The following NCKAP5L variants were observed in gnomAD, a reference collection of about 807,000 sequenced individuals.
NCKAP5L encodes the protein nck-associated protein 5-like.
NCKAP5L carries 54 observed loss-of-function variants against 103.2 expected under a neutral mutation model. The ratio of observed to expected loss-of-function variants is 0.52; its 90% CI spans 0.42 to 0.66. NCKAP5L has a LOEUF of 0.66. Ranked by LOEUF, NCKAP5L falls within the 30% of genes least tolerant of loss-of-function variation. The pLI is 0.00. For synonymous variants in NCKAP5L, 762 were observed against 748.6 expected, an observed-to-expected ratio of 1.02 and a Z score of -0.29; for missense variants, 1,733 against 1,750.6, an observed-to-expected ratio of 0.99 and a Z score of 0.18.
At chr12:49,808,812 C>G (rs539494139) in intron 1 of NCKAP5L, among the ~76,000 whole-genome samples, 75 of 152,336 alleles carry the variant, frequency 4.9e-4, no homozygotes, top group South Asian at 2.1e-4. Flanking sequence ...TGGAATGGCT[C>G]TGGTTTCAGA....
At chr12:49,806,403 T>C (rs924950199) in intron 1 of NCKAP5L, among the ~76,000 whole-genome samples, 4 of 152,260 alleles carry the variant, frequency 2.6e-5, no homozygotes, top group African/African-American at 9.6e-5. Flanking sequence ...TCTTGCCTCG[T>C]GCTCAACAGT....
At position 49,795,687 on chromosome 12, in the gene NCKAP5L, T is replaced by G; in HGVS notation, c.2173A>C (p.Ile725Leu). The G allele has an allele frequency of 6.2e-7, 1 of 1,611,942 alleles. No homozygotes were observed. Among genetic ancestry groups the G allele is most frequent in the Non-Finnish European group, 8.5e-7 (1 of 1,179,138 alleles). The change falls in exon 8 of 13, where the codon ATA (isoleucine) becomes CTA (leucine). Residue 725 changes from isoleucine (I) to leucine (L), a missense_variant. By Grantham distance (5) the Ile-to-Leu change is conservative. Coordinates refer to ENST00000335999, the MANE Select transcript of NCKAP5L (RefSeq NM_001037806.4). ...GTGCCCAAGGCCACTGCCCCCCGTA[T>G]CCCCCCCTTGGCTTCTAGCTGCTCC... is the stretch of plus-strand genomic sequence containing the variant. Reference protein sequence around the residue: ...PLEQLEAKGGIRGAVALGTNS... With the variant: ...PLEQLEAKGGLRGAVALGTNS...
rs983021647 is a variant in NCKAP5L, at chr12:49,791,458, G to C, written c.*381C>G. On this transcript the variant is annotated 3_prime_UTR_variant, in exon 13 of 13. Coordinates refer to ENST00000335999, the MANE Select transcript of NCKAP5L (RefSeq NM_001037806.4). Reference sequence around the variant, plus strand: ...CCAGGAGGGCCTCGCGAGGGCTTCGGGGCAGAGGAGCAGCCGGGTTGGGCA... The same window carrying C: ...CCAGGAGGGCCTCGCGAGGGCTTCGCGGCAGAGGAGCAGCCGGGTTGGGCA... 25 of 173,296 alleles carry C rather than the reference G, an allele frequency of 1.4e-4. No individual in the cohort carries two copies. Among genetic ancestry groups the C allele is most frequent in the Non-Finnish European group, 2.4e-4 (20 of 82,602 alleles). The allele number at this position is 173,296 out of a possible 1,614,324, so 10.7% of individuals were successfully genotyped here.
chr12:49,821,377 A>G (rs1486450978), intron 1 of NCKAP5L, among the ~76,000 whole-genome samples: 1 of 152,232 alleles, frequency 6.6e-6, no homozygotes, highest in African/African-American at 2.4e-5. Context: ...AGAAATGATC[A>G]GCACCATCTG....
chr12:49,808,329 C>T (rs553634032), intron 1 of NCKAP5L, among the ~76,000 whole-genome samples: 2 of 152,336 alleles, frequency 1.3e-5, no homozygotes, highest in South Asian at 4.1e-4. Flanking sequence ...AGGAGAAATA[C>T]TTTCTGGCCT....
Position 49,795,581 on chromosome 12 carries a change from C to G in NCKAP5L, c.2279G>C (p.Arg760Pro), listed in dbSNP as rs768154812. Residue 760 changes from arginine to proline, a missense_variant, in exon 8 of 13, where the codon CGG becomes CCG. Physicochemically the swap from Arg to Pro is moderately radical, Grantham distance 103. Coordinates refer to ENST00000335999, the MANE Select transcript of NCKAP5L (RefSeq NM_001037806.4). ...RVYSSHSMGARVDLEPVSPRS... is the reference protein window; with the variant it reads ...RVYSSHSMGAPVDLEPVSPRS... ...TGGTGAGACAGGCTCCAGGTCCACC[C>G]GGGCCCCCATGGAGTGAGAGGAGTA... 4 of 1,556,440 alleles carry G rather than the reference C, an allele frequency of 2.6e-6. No homozygotes were observed. The East Asian group carries it at 6.7e-5, about 26-fold the overall frequency.
In NCKAP5L at chr12:49,797,422, G is replaced by C; in HGVS notation, c.466-28C>G. 6.6e-7 allele frequency: 1 copy of C among 1,516,650 alleles called. No homozygotes were observed. The highest frequency in any genetic ancestry group is 9.0e-7 in the Non-Finnish European group (1 of 1,113,976). 93.9% of individuals were successfully genotyped at this position (1,516,650 alleles called of 1,614,324 possible). ...TAGGGGAGAGATGATGGCATGAGGA[G>C]GAGACCACACACAGCTGGGATCCAG... is the stretch of plus-strand genomic sequence containing the variant. On this transcript the variant is annotated intron_variant, in intron 7 of 12. Transcript: ENST00000335999. This position sits in a 1 kb window ranked among gnomAD's most constrained non-coding sequence, Gnocchi z 4.5.
chr12:49,792,012 G>C lies in NCKAP5L; in HGVS notation c.3832C>G (p.Arg1278Gly), dbSNP rs534363616. Residue 1278 changes from arginine to glycine, a missense_variant, in exon 13 of 13, where the codon CGC becomes GGC. Coordinates refer to ENST00000335999, the MANE Select transcript of NCKAP5L (RefSeq NM_001037806.4). The surrounding 1 kb of genome is among the most constrained non-coding windows in gnomAD (Gnocchi z 4.5). ...GGGCCCTGGGGCGTAGGGGACGGGCGGCTGGGCTCCTGGCTTCGCTTCCGG... is the reference window on the plus strand; with the variant it reads ...GGGCCCTGGGGCGTAGGGGACGGGCCGCTGGGCTCCTGGCTTCGCTTCCGG... The part of the protein sequence containing the change: ...VDRKRSQEPS[R>G]PSPTPQGPPF... The C allele has an allele frequency of 2.4e-5, 37 of 1,573,688 alleles. No individual in the cohort carries two copies. The African/African-American group carries it at 3.9e-4, about 17-fold the overall frequency.
At chr12:49,821,897 A>G (rs1207952832) in intron 1 of NCKAP5L, among the ~76,000 whole-genome samples, 3 of 152,298 alleles carry the variant, frequency 2.0e-5, no homozygotes, top group African/African-American at 2.4e-5. Context: ...AACACTGCTC[A>G]TGACTTGGGG....
intron 5 of NCKAP5L, chr12:49,802,731 G>A (rs1425886948): frequency 1.7e-6 from 1 of 577,334 alleles, no homozygotes; most frequent in African/African-American, 1.9e-5. Context: ...GCCAGCTGGG[G>A]ACAGGGTAAG....
intron 5 of NCKAP5L, 151 bp from the exon 6 acceptor site, chr12:49,802,118 T>G: frequency 1.2e-6 from 1 of 847,200 alleles, no homozygotes; most frequent in Non-Finnish European, 1.8e-6. Flanking sequence ...ATGAGGAATC[T>G]AAGCCTGCCG....
intron 1 of NCKAP5L, among the ~76,000 whole-genome samples, chr12:49,814,802 C>G (rs981656660): frequency 2.0e-5 from 3 of 152,190 alleles, no homozygotes; most frequent in Admixed American, 1.3e-4. Flanking sequence ...TTCCAAGATC[C>G]AATCCAGGAT....
intron 1 of NCKAP5L, among the ~76,000 whole-genome samples, chr12:49,809,577 A>C (rs1394806987): frequency 1.3e-5 from 2 of 152,106 alleles, no homozygotes; most frequent in African/African-American, 2.4e-5. Context: ...CACCCTCCCC[A>C]GCTGCTTTCT....
In NCKAP5L at chr12:49,801,937, T is replaced by C. The variant is rs1946124452; in HGVS notation, c.262A>G (p.Lys88Glu). 6.2e-7 allele frequency: 1 copy of C among 1,613,758 alleles called. No homozygotes were observed. Among genetic ancestry groups the C allele is most frequent in the African/African-American group, 1.3e-5 (1 of 74,894 alleles). The stretch of plus-strand genomic sequence containing the variant: ...TGCCGTTCCAGGTCAAACACTCTCT[T>C]CTTCAGCTTGATGCACTCCTCTCGC... The part of the protein sequence containing the change: ...DLREECIKLK[K>E]RVFDLERQNQ... Residue 88 changes from lysine (K) to glutamate (E), a missense_variant, in exon 6 of 13, where the codon AAG (lysine) becomes GAG (glutamate). Lys to Glu is a moderately conservative substitution (Grantham distance 56, BLOSUM62 1). Coordinates refer to ENST00000335999, the MANE Select transcript of NCKAP5L (RefSeq NM_001037806.4).
intron 9 of NCKAP5L, 55 bp downstream of exon 9, chr12:49,793,679 C>A: frequency 6.7e-7 from 1 of 1,494,756 alleles, no homozygotes; most frequent in Non-Finnish European, 8.9e-7. Context: ...GGGTAAGAGA[C>A]CTGGCAGGGC....
At position 49,795,805 on chromosome 12, in the gene NCKAP5L, C is replaced by T; in HGVS notation, c.2055G>A (p.Gly685=). ...TTTCGGTGCCAGGCCTGGCTGGCACCCCATTCTTCTCTGAGCCCAGGGCCC... is the reference window on the plus strand; with the variant it reads ...TTTCGGTGCCAGGCCTGGCTGGCACTCCATTCTTCTCTGAGCCCAGGGCCC... ...PEGALGSEKN[G]VPARPGTEKT... is the part of the protein sequence containing the mutation. The change falls in exon 8 of 13, where the codon GGG becomes GGA. Residue 685 remains glycine, a synonymous_variant. Transcript: ENST00000335999. The T allele has an allele frequency of 6.4e-7, 1 of 1,573,174 alleles. No homozygotes were observed. Among genetic ancestry groups the T allele is most frequent in the Non-Finnish European group, 8.6e-7 (1 of 1,159,604 alleles).
chr12:49,827,255 TAAG>T (rs1946427954), intron 1 of NCKAP5L, among the ~76,000 whole-genome samples: 2 of 151,932 alleles, frequency 1.3e-5, no homozygotes, highest in South Asian at 2.1e-4. Context: ...CCATTGTGCT[TAAG>T]AAGGAGGACC....
rs1392058991 is a variant in NCKAP5L at position 49,796,404 on chromosome 12, T to C, written c.1456A>G (p.Ile486Val). The part of the protein sequence containing the change: ...LSPQLPRNSR[I>V]PCRNSGSDGS... ...TCTGAGCCACTGTTCCGACAGGGGATTCGCGAGTTCCGGGGGAGCTGGGGA... is the reference window on the plus strand; with the variant it reads ...TCTGAGCCACTGTTCCGACAGGGGACTCGCGAGTTCCGGGGGAGCTGGGGA... The change falls in exon 8 of 13, where the codon ATC becomes GTC. Residue 486 changes from isoleucine (I) to valine (V), a missense_variant. By Grantham distance (29) the Ile-to-Val change is conservative. Coordinates refer to ENST00000335999, the MANE Select transcript of NCKAP5L (RefSeq NM_001037806.4). 1 of 1,574,940 alleles carries C rather than the reference T, an allele frequency of 6.3e-7. No homozygotes were observed. Among genetic ancestry groups the C allele is most frequent in the Non-Finnish European group, 8.6e-7 (1 of 1,161,226 alleles).
Position 49,792,738 on chromosome 12 carries a change from C to T in NCKAP5L, c.3589G>A (p.Ala1197Thr), listed in dbSNP as rs1390923791. The T allele has an allele frequency of 6.2e-7, 1 of 1,609,854 alleles. No individual in the cohort carries two copies. Among genetic ancestry groups the T allele is most frequent in the Non-Finnish European group, 8.5e-7 (1 of 1,178,752 alleles). The change falls in exon 11 of 13, where the codon GCC becomes ACC. Residue 1197 changes from alanine to threonine, a missense_variant. Transcript: ENST00000335999. The surrounding 1 kb of genome is among the most constrained non-coding windows in gnomAD (Gnocchi z 4.5). ...GCAGCGGGTAGCAGTGCAGGGAAGG[C>T]TGGCATGCTGGGGTGCCGCCCACTC... ...LVSGRHPSMP[A>T]FPALLPAAPG...
Sources: gnomAD v4.1 joint callset for allele counts (sites outside exome capture counted in the v4.1 genomes callset) on GRCh38, gnomAD v4.1.1 for gene constraint, Gnocchi (gnomAD v3.1) non-coding constraint, MANE v1.5 for transcripts, NCBI Gene and HGNC (gene_info 2026-07-23, HGNC 2026-07-21) for gene names.